Variants in PLXDC2 observed in about 807,000 individuals in gnomAD.
PLXDC2 encodes plexin domain containing 2, also known as plexin domain-containing protein 2.
PLXDC2 carries 40 observed loss-of-function variants against 68.9 expected under a neutral mutation model. The observed-to-expected ratio is 0.58, with a 90% CI of 0.45 to 0.76. PLXDC2 has a LOEUF of 0.76. Ranked by LOEUF, PLXDC2 falls within the 30% of genes least tolerant of loss-of-function variation. PLXDC2 has a pLI of 0.00. For synonymous variants in PLXDC2, 243 were observed against 234.2 expected (o/e 1.04, Z -0.34); for missense variants, 644 against 661.9 (o/e 0.97, Z 0.30).
At chr10:20,077,601 CAAAGAAAATG>C (rs1226526585) in intron 4 of PLXDC2, among the ~76,000 whole-genome samples, 1 of 151,974 alleles carries the variant, frequency 6.6e-6, no homozygotes, top group Non-Finnish European at 1.5e-5. Context: ...CTCCTGAAGG[CAAAGAAAATG>C]GAAGAAAATG....
intron 9 of PLXDC2, among the ~76,000 whole-genome samples, chr10:20,203,771 AGAT>A (rs1296230304): frequency 1.3e-5 from 2 of 152,208 alleles, no homozygotes; most frequent in Non-Finnish European, 2.9e-5. Flanking sequence ...CACCTCTGCA[AGAT>A]GCCACGTGTA....
intron 1 of PLXDC2, among the ~76,000 whole-genome samples, chr10:19,891,332 A>C (rs1837958833): frequency 6.6e-6 from 1 of 152,100 alleles, no homozygotes; most frequent in African/African-American, 2.4e-5. Context: ...TCTGTGTCCC[A>C]ATTTAAAGTA....
At chr10:20,007,937 T>G (rs944033151) in intron 2 of PLXDC2, among the ~76,000 whole-genome samples, 2 of 152,244 alleles carry the variant, frequency 1.3e-5, no homozygotes, top group African/African-American at 4.8e-5. Flanking sequence ...ATTATTCATG[T>G]GCATGGAAGT....
intron 2 of PLXDC2, among the ~76,000 whole-genome samples, chr10:20,038,254 A>T (rs552782293): frequency 0.017 from 2,577 of 151,818 alleles, 73 homozygotes; most frequent in African/African-American, 0.058. Context: ...AAAAAAAAAA[A>T]TTTAAAAAAA....
chr10:20,115,599 T>C (rs928687323), intron 4 of PLXDC2, among the ~76,000 whole-genome samples: 1 of 151,852 alleles, frequency 6.6e-6, no homozygotes, highest in Non-Finnish European at 1.5e-5. Flanking sequence ...CCGGGTAGAG[T>C]TTTTGACAAT....
chr10:20,132,199 G>A (rs540315563), intron 4 of PLXDC2, among the ~76,000 whole-genome samples: 121 of 152,182 alleles, frequency 8.0e-4, no homozygotes, highest in African/African-American at 2.8e-3. Context: ...TTTCATCGTG[G>A]TCTGAAAAGA....
At chr10:20,180,651 G>C (rs1365631084) in intron 9 of PLXDC2, among the ~76,000 whole-genome samples, 2 of 151,912 alleles carry the variant, frequency 1.3e-5, no homozygotes, top group African/African-American at 4.8e-5. Context: ...TCTCAAGTAG[G>C]GCTTGCTCTA....
At chr10:20,013,018 G>A (rs781045781) in intron 2 of PLXDC2, among the ~76,000 whole-genome samples, 16 of 152,236 alleles carry the variant, frequency 1.1e-4, no homozygotes, top group Non-Finnish European at 1.8e-4. Flanking sequence ...AAACTATTAC[G>A]GCTGGAACTA....
intron 4 of PLXDC2, among the ~76,000 whole-genome samples, chr10:20,099,046 A>T (rs1347379708): frequency 6.6e-6 from 1 of 152,182 alleles, no homozygotes; most frequent in East Asian, 1.9e-4. Flanking sequence ...CAATACTAAC[A>T]ACTGTCATTT....
intron 2 of PLXDC2, among the ~76,000 whole-genome samples, chr10:20,003,308 A>C (rs927017503): frequency 3.9e-5 from 6 of 152,326 alleles, no homozygotes; most frequent in East Asian, 1.9e-4. Flanking sequence ...TGTTTTCAGC[A>C]GAGATATAAA....
intron 13 of PLXDC2, among the ~76,000 whole-genome samples, chr10:20,260,220 C>T (rs1395157891): frequency 6.6e-6 from 1 of 152,044 alleles, no homozygotes; most frequent in Admixed American, 6.6e-5. Context: ...AAATCTATGC[C>T]CTTAACATAT....
chr10:19,924,345 C>T (rs1833506070), intron 1 of PLXDC2, among the ~76,000 whole-genome samples: 1 of 152,154 alleles, frequency 6.6e-6, no homozygotes, highest in Non-Finnish European at 1.5e-5. Context: ...CATTCCCAAC[C>T]CCCTCTACCA....
chr10:19,939,637 CTCT>C (rs1287933359), intron 1 of PLXDC2, among the ~76,000 whole-genome samples: 1 of 152,156 alleles, frequency 6.6e-6, no homozygotes, highest in Non-Finnish European at 1.5e-5. Context: ...AAATTTTTCC[CTCT>C]TCCTTTTTCT....
chr10:20,254,524 T>A (rs1201135325), intron 13 of PLXDC2, among the ~76,000 whole-genome samples: 1 of 152,182 alleles, frequency 6.6e-6, no homozygotes, highest in Non-Finnish European at 1.5e-5. Flanking sequence ...TTAGTCTTAC[T>A]TCAGTTTTAA....
chr10:19,869,534 A>T (rs1405012801), intron 1 of PLXDC2, among the ~76,000 whole-genome samples: 2 of 149,684 alleles, frequency 1.3e-5, no homozygotes, highest in South Asian at 2.1e-4. Context: ...CTAAGCCAAC[A>T]TTTTTTCTCA....
rs1189538773 is a variant in PLXDC2, at chr10:20,283,287, T to C, written c.*3468T>C. On this transcript the variant is annotated 3_prime_UTR_variant, in exon 14 of 14. Coordinates refer to ENST00000377252, the MANE Select transcript of PLXDC2 (RefSeq NM_032812.9). ...CACTTCAACCTCCTTGAGTCTCAAT[T>C]TGCAATTTTGGAAAAGAAAAACAAT... 6.6e-6 allele frequency: 1 copy of C among 152,206 alleles called. No individual in the cohort carries two copies. The allele number at this position is 152,206 out of a possible 1,614,324, so 9.4% of individuals were successfully genotyped here.
intron 1 of PLXDC2, among the ~76,000 whole-genome samples, chr10:19,848,029 A>T (rs1262574090): frequency 6.6e-6 from 1 of 152,180 alleles, no homozygotes; most frequent in East Asian, 1.9e-4. Flanking sequence ...TTCATACATT[A>T]GAAATTGAAG....
At chr10:19,935,972 A>G (rs1305096551) in intron 1 of PLXDC2, among the ~76,000 whole-genome samples, 1 of 152,234 alleles carries the variant, frequency 6.6e-6, no homozygotes, top group East Asian at 1.9e-4. Flanking sequence ...TGTAAATCCA[A>G]CAGACAAACA....
intron 12 of PLXDC2, among the ~76,000 whole-genome samples, chr10:20,221,135 G>T (rs1230579021): frequency 7.0e-6 from 1 of 141,850 alleles, no homozygotes; most frequent in East Asian, 1.9e-4. Context: ...GAGCCACCAC[G>T]CACGGCCAAC....
Sources: gnomAD v4.1 joint callset for allele counts (sites outside exome capture counted in the v4.1 genomes callset) on GRCh38, gnomAD v4.1.1 for gene constraint, MANE v1.5 for transcripts, NCBI Gene and HGNC (gene_info 2026-07-23, HGNC 2026-07-21) for gene names.